DNAAF9: variants seen among roughly 807,000 people sequenced by gnomAD.
DNAAF9 encodes dynein axonemal assembly factor 9.
In DNAAF9, 90 loss-of-function variants were observed where a neutral mutation model predicts 167.0. The ratio of observed to expected loss-of-function variants is 0.54; its 90% confidence interval spans 0.45 to 0.64. DNAAF9 has a LOEUF of 0.64. DNAAF9 is among the 30% of genes least tolerant of loss of function. The pLI is 0.00. For missense variants in DNAAF9, 1,315 were observed against 1,442.2 expected (o/e 0.91, Z 1.43); for synonymous variants, 491 against 508.8 (o/e 0.96, Z 0.47).
intron 3 of DNAAF9, among the ~76,000 whole-genome samples, chr20:3,380,755 T>C (rs976217625): frequency 2.6e-5 from 4 of 152,220 alleles, no homozygotes; most frequent in Admixed American, 1.3e-4. Context: ...CTGACCCATC[T>C]GGCATACAAG....
chr20:3,313,297 T>A (rs1343615318), intron 20 of DNAAF9, among the ~76,000 whole-genome samples: 1 of 152,216 alleles, frequency 6.6e-6, no homozygotes, highest in African/African-American at 2.4e-5. Context: ...GGGACAGATG[T>A]GTTAACAAAT....
intron 6 of DNAAF9, chr20:3,362,336 G>A: frequency 1.4e-6 from 1 of 723,014 alleles, no homozygotes; most frequent in East Asian, 2.5e-5. Flanking sequence ...TTGCACTGCT[G>A]TCGCTTGAAG....
intron 3 of DNAAF9, among the ~76,000 whole-genome samples, chr20:3,380,225 G>A (rs80221480): frequency 0.047 from 7,197 of 152,232 alleles, 267 homozygotes; most frequent in African/African-American, 0.1. Context: ...ATGTTGTATA[G>A]CGTAAGGAAA....
intron 1 of DNAAF9, among the ~76,000 whole-genome samples, chr20:3,407,211 G>A (rs1277230632): frequency 3.9e-5 from 6 of 152,136 alleles, no homozygotes; most frequent in Admixed American, 2.6e-4. Flanking sequence ...TGTCCCTAGG[G>A]AAGCCATTGT....
intron 6 of DNAAF9, among the ~76,000 whole-genome samples, chr20:3,367,242 T>G (rs2083443050): frequency 6.6e-6 from 1 of 152,264 alleles, no homozygotes; most frequent in Admixed American, 6.5e-5. Context: ...GAGTTAGGGC[T>G]TTGCTCTGGA....
chr20:3,394,862 A>T (rs2083876572), intron 1 of DNAAF9, among the ~76,000 whole-genome samples: 1 of 150,564 alleles, frequency 6.6e-6, no homozygotes, highest in African/African-American at 2.4e-5. Context: ...ACTTGCTAGT[A>T]TACAGATTAC....
chr20:3,354,166 C>T (rs1280411024), intron 7 of DNAAF9, among the ~76,000 whole-genome samples: 1 of 152,200 alleles, frequency 6.6e-6, no homozygotes, highest in Non-Finnish European at 1.5e-5. Flanking sequence ...TAACAAGCAG[C>T]AAAAGCAGAA....
intron 11 of DNAAF9, 114 bp downstream of exon 11, chr20:3,332,166 A>T: frequency 1.6e-6 from 1 of 633,878 alleles, no homozygotes; most frequent in South Asian, 1.9e-5. Context: ...GGAGGCCCAC[A>T]AATTGGGTAA....
rs6115837 is a variant in DNAAF9, at chr20:3,282,799, G to T, written c.2487-1033C>A. ...GGAATGTTCTTTTCCTCAGGTATCT[G>T]CATGGGTGGTTCTCTCTCCCTTCAG... On this transcript the variant is annotated intron_variant, in intron 27 of 36. Coordinates refer to ENST00000252032, the MANE Select transcript of DNAAF9 (RefSeq NM_001009984.3). Among the ~76,000 whole-genome samples the T allele has an allele frequency of 8.2e-3, 1,252 of 152,222 alleles. 20 individuals are homozygous for T. Among genetic ancestry groups the T allele is most frequent in the African/African-American group, 0.028 (1,180 of 41,520 alleles).
At chr20:3,351,704 C>T (rs190603164) in intron 7 of DNAAF9, among the ~76,000 whole-genome samples, 1 of 152,218 alleles carries the variant, frequency 6.6e-6, no homozygotes, top group Non-Finnish European at 1.5e-5. Flanking sequence ...AAGGAGATGA[C>T]TACCATAGAA....
At chr20:3,259,141 C>T (rs2068333854) in intron 33 of DNAAF9, among the ~76,000 whole-genome samples, 1 of 152,180 alleles carries the variant, frequency 6.6e-6, no homozygotes, top group East Asian at 1.9e-4. Flanking sequence ...GGGGCAGCTC[C>T]TGGTTTTAGG....
At chr20:3,310,557 C>T (rs146946151) in intron 20 of DNAAF9, among the ~76,000 whole-genome samples, 129 of 150,424 alleles carry the variant, frequency 8.6e-4, no homozygotes, top group Non-Finnish European at 1.4e-3. Context: ...TGATGGTGCA[C>T]GCCTGTAGTC....
chr20:3,294,211 C>A lies in DNAAF9; in HGVS notation c.2166G>T (p.Val722=). The A allele has an allele frequency of 6.2e-7, 1 of 1,613,504 alleles. No homozygotes were observed. The highest frequency in any genetic ancestry group is 8.5e-7 in the Non-Finnish European group (1 of 1,179,454). ...GCAGCACAGGAAGATGGGTCCGCAT[C>A]ACAGGCTCCTGGCTAATGCTGCTGA... is the stretch of plus-strand genomic sequence containing the variant. ...FAISSISQEP[V]MRTHLPVLLQ... The change falls in exon 25 of 37, where the codon GTG becomes GTT. Residue 722 remains valine, a synonymous_variant. Transcript: ENST00000252032.
intron 15 of DNAAF9, 65 bp downstream of exon 15, chr20:3,322,587 C>G (rs957053101): frequency 8.2e-7 from 1 of 1,219,904 alleles, no homozygotes; most frequent in Admixed American, 1.7e-5. Flanking sequence ...ATGTCAGCAG[C>G]CTCCCCTCTC....
chr20:3,268,530 T>C (rs2068528972), intron 30 of DNAAF9, among the ~76,000 whole-genome samples: 1 of 152,128 alleles, frequency 6.6e-6, no homozygotes, highest in East Asian at 1.9e-4. Flanking sequence ...GGTTTCACCA[T>C]GTTGGTAGGG....
At chr20:3,310,368 A>AGAAAGAAAGAAG (rs1279017112) in intron 20 of DNAAF9, among the ~76,000 whole-genome samples, 4 of 151,422 alleles carry the variant, frequency 2.6e-5, no homozygotes, top group Admixed American at 6.6e-5. Context: ...AAAGAAAGAA[A>AGAAAGAAAGAAG]GAAAGAAAGA....
intron 27 of DNAAF9, among the ~76,000 whole-genome samples, chr20:3,282,073 A>C (rs1473661868): frequency 2.6e-5 from 4 of 152,158 alleles, no homozygotes; most frequent in South Asian, 4.1e-4. Flanking sequence ...TAGTGTCCTT[A>C]GGCCTGTTTT....
intron 31 of DNAAF9, among the ~76,000 whole-genome samples, chr20:3,262,913 C>T (rs1220884351): frequency 6.7e-6 from 1 of 149,686 alleles, no homozygotes; most frequent in East Asian, 2.0e-4. Context: ...TTTAATTTTA[C>T]ATACTGACCC....
chr20:3,379,999 T>C (rs1419129609), intron 3 of DNAAF9, among the ~76,000 whole-genome samples: 3 of 152,206 alleles, frequency 2.0e-5, no homozygotes, highest in Non-Finnish European at 2.9e-5. Context: ...GAGGATGCAG[T>C]GAGCCAAGAT....
Sources: gnomAD v4.1 joint callset for allele counts (sites outside exome capture counted in the v4.1 genomes callset) on GRCh38, gnomAD v4.1.1 for gene constraint, MANE v1.5 for transcripts, NCBI Gene and HGNC (gene_info 2026-07-23, HGNC 2026-07-21) for gene names.